Variants in LRTM3 observed in about 807,000 individuals in gnomAD.
LRTM3 encodes leucine-rich repeat transmembrane protein 3.
the LRTM3 span, chr13:102,743,408 GC>G: frequency 6.4e-7 from 1 of 1,550,538 alleles, no homozygotes; most frequent in South Asian, 1.2e-5. Flanking sequence ...TTGCCACATT[GC>G]TTTCAGTTTG....
chr13:102,734,613 G>T, the LRTM3 span: 15 of 1,550,678 alleles, frequency 9.7e-6, no homozygotes, highest in African/African-American at 1.4e-5. Context: ...GGGATATGTT[G>T]CTTTTCATTT....
chr13:102,736,939 T>C, the LRTM3 span: 19 of 1,551,082 alleles, frequency 1.2e-5, no homozygotes, highest in Admixed American at 2.0e-5. Context: ...CTTGTTCCTC[T>C]TTTTTGCCTG....
the LRTM3 span, among the ~76,000 whole-genome samples, chr13:102,756,100 A>ATG: frequency 2.7e-5 from 4 of 150,922 alleles, no homozygotes; most frequent in East Asian, 5.9e-4. Flanking sequence ...TTACAGGCGC[A>ATG]TGCCACCACA....
chr13:102,739,264 G>GAT, the LRTM3 span: 1 of 1,549,974 alleles, frequency 6.5e-7, no homozygotes, highest in Non-Finnish European at 8.7e-7. Context: ...CTTTCAAAGT[G>GAT]ATACATTTGA....
the LRTM3 span, chr13:102,744,207 G>C: frequency 4.5e-6 from 7 of 1,550,442 alleles, no homozygotes; most frequent in Non-Finnish European, 5.2e-6. Context: ...AAAATTCGTA[G>C]TTGCTTTGCC....
chr13:102,744,916 C>G, the LRTM3 span: 1 of 1,550,678 alleles, frequency 6.4e-7, no homozygotes, highest in Non-Finnish European at 8.7e-7. Context: ...GCTGTTCCCC[C>G]ATACATTTCC....
At chr13:102,744,934 T>C in the LRTM3 span, 4 of 1,550,600 alleles carry the variant, frequency 2.6e-6, no homozygotes, top group Non-Finnish European at 3.5e-6. Flanking sequence ...TCCTATCAGT[T>C]GGTACACCAC....
At chr13:102,735,739 T>G in the LRTM3 span, 1 of 1,549,024 alleles carries the variant, frequency 6.5e-7, no homozygotes, top group East Asian at 2.4e-5. Flanking sequence ...TATATGCTTT[T>G]TTGCCTGAAT....
chr13:102,733,960 T>A, the LRTM3 span: 4 of 1,551,350 alleles, frequency 2.6e-6, no homozygotes, highest in South Asian at 2.4e-5. Context: ...GACAAGATGA[T>A]CCTGTAATTC....
At chr13:102,743,977 T>C in the LRTM3 span, 2 of 1,550,422 alleles carry the variant, frequency 1.3e-6, no homozygotes, top group Non-Finnish European at 1.7e-6. Context: ...CCAGATTTTG[T>C]CGGCGTGTTC....
the LRTM3 span, chr13:102,731,662 T>C: frequency 6.4e-7 from 1 of 1,551,514 alleles, no homozygotes; most frequent in Non-Finnish European, 8.7e-7. Flanking sequence ...CTTTGGTTGC[T>C]TCACAAATGG....
At chr13:102,740,190 CCTGTACCCCAT>C in the LRTM3 span, 1 of 1,548,554 alleles carries the variant, frequency 6.5e-7, no homozygotes, top group South Asian at 1.2e-5. Flanking sequence ...AAATCAAAGA[CCTGTACCCCAT>C]CTGATGATTT....
the LRTM3 span, chr13:102,735,788 T>C: frequency 6.5e-7 from 1 of 1,542,596 alleles, no homozygotes; most frequent in African/African-American, 1.4e-5. Flanking sequence ...AAAACTGAAT[T>C]GTGTTTTTCC....
At chr13:102,731,601 C>T in the LRTM3 span, 4,122 of 1,551,432 alleles carry the variant, frequency 2.7e-3, 25 homozygotes, top group South Asian at 2.8e-3. Flanking sequence ...TCTAGTTTAT[C>T]AGAAGAAACT....
chr13:102,744,270 T>C, the LRTM3 span: 1 of 1,550,580 alleles, frequency 6.4e-7, no homozygotes, highest in South Asian at 1.2e-5. Context: ...AACTCTAATG[T>C]ATAGCTCCGG....
the LRTM3 span, chr13:102,749,631 G>T: frequency 6.4e-7 from 1 of 1,551,402 alleles, no homozygotes; most frequent in Admixed American, 2.0e-5. Flanking sequence ...AAGGAGTCTT[G>T]TGTGCTGCTA....
chr13:102,741,008 G>T, the LRTM3 span: 29 of 1,550,042 alleles, frequency 1.9e-5, no homozygotes, highest in Non-Finnish European at 2.4e-5. Context: ...TTCATGTGAT[G>T]CTTTCTCTAC....
At chr13:102,752,001 A>G in the LRTM3 span, among the ~76,000 whole-genome samples, 50 of 152,262 alleles carry the variant, frequency 3.3e-4, no homozygotes, top group African/African-American at 1.1e-3. Flanking sequence ...CCCTTTGGAA[A>G]GGCTTGCACC....
the LRTM3 span, chr13:102,747,078 C>T: frequency 1.3e-6 from 2 of 1,551,000 alleles, no homozygotes; most frequent in East Asian, 2.4e-5. Flanking sequence ...GGTAGAGTTT[C>T]TTTGACGCCT....
Sources: gnomAD v4.1 joint callset for allele counts (sites outside exome capture counted in the v4.1 genomes callset) on GRCh38, gnomAD v4.1.1 for gene constraint, MANE v1.5 for transcripts, NCBI Gene and HGNC (gene_info 2026-07-23, HGNC 2026-07-21) for gene names.